DDX50: variants seen among roughly 807,000 people sequenced by gnomAD.
The protein encoded by DDX50 is ATP-dependent RNA helicase DDX50.
In DDX50, 56 loss-of-function variants were observed where a neutral mutation model predicts 94.8. That is an observed-to-expected ratio of 0.59 (90% confidence interval 0.48 to 0.74). DDX50 has a LOEUF of 0.74. DDX50 is among the 30% of genes least tolerant of loss of function. The probability of loss-of-function intolerance (pLI) is 0.00; values close to 1 mark genes in which losing one functional copy is unlikely to be tolerated. For missense variants in DDX50, 713 were observed against 881.2 expected (o/e 0.81, Z 2.42); for synonymous variants, 264 against 295.4 (o/e 0.89, Z 1.09).
chr10:68,942,954 A>G (rs1036541100), intron 13 of DDX50, among the ~76,000 whole-genome samples: 8 of 152,124 alleles, frequency 5.3e-5, no homozygotes, highest in African/African-American at 1.9e-4. Context: ...ACTTTCTATC[A>G]TTAAATTTTA....
At chr10:68,907,877 TATA>T (rs1297796391) in intron 2 of DDX50, among the ~76,000 whole-genome samples, 7 of 152,280 alleles carry the variant, frequency 4.6e-5, no homozygotes, top group Non-Finnish European at 7.3e-5. Flanking sequence ...AAATCTGTAT[TATA>T]ATAGGTTTAA....
At chr10:68,910,523 C>A in intron 3 of DDX50, 141 bp downstream of exon 3, 2 of 599,514 alleles carry the variant, frequency 3.3e-6, no homozygotes, top group Non-Finnish European at 5.6e-6. Flanking sequence ...CTACCTCAGC[C>A]TGCTGAGTAG....
chr10:68,933,964 T>A (rs1490946628), intron 8 of DDX50, among the ~76,000 whole-genome samples: 2 of 151,634 alleles, frequency 1.3e-5, no homozygotes, highest in Non-Finnish European at 2.9e-5. Context: ...ACAGAATATT[T>A]ACCAAACTCT....
intron 8 of DDX50, among the ~76,000 whole-genome samples, chr10:68,933,875 C>CA (rs1217471089): frequency 6.6e-6 from 1 of 150,746 alleles, no homozygotes; most frequent in Non-Finnish European, 1.5e-5. Flanking sequence ...GTAGAGGTTG[C>CA]AGTGAGCCAA....
At chr10:68,903,886 G>A (rs1335290873) in intron 1 of DDX50, among the ~76,000 whole-genome samples, 1 of 151,424 alleles carries the variant, frequency 6.6e-6, no homozygotes, top group Non-Finnish European at 1.5e-5. Context: ...TGAGATACAG[G>A]AATTGCTTGA....
At chr10:68,928,842 AT>A (rs1842157924) in intron 8 of DDX50, among the ~76,000 whole-genome samples, 1 of 152,196 alleles carries the variant, frequency 6.6e-6, no homozygotes, top group Non-Finnish European at 1.5e-5. Flanking sequence ...TAAACCAGAA[AT>A]TTATGTATTA....
intron 8 of DDX50, among the ~76,000 whole-genome samples, chr10:68,925,401 C>T (rs60907674): frequency 0.06 from 9,096 of 152,038 alleles, 887 homozygotes; most frequent in African/African-American, 0.2. Context: ...TGAGCCACCG[C>T]GCCCAGCCTC....
intron 1 of DDX50, among the ~76,000 whole-genome samples, chr10:68,904,840 A>G (rs1841394010): frequency 6.6e-6 from 1 of 152,222 alleles, no homozygotes; most frequent in Admixed American, 6.5e-5. Flanking sequence ...AGATCATATG[A>G]TGTAATGTGT....
rs936564614 is a variant in DDX50 at position 68,931,509 on chromosome 10, C to T, written c.1240-2690C>T. On this transcript the variant is annotated intron_variant, in intron 8 of 14. Coordinates refer to ENST00000373585, the MANE Select transcript of DDX50 (RefSeq NM_024045.2). ...AGGCTGGAGTGCAGTGGCACAGTCT[C>T]GGGTCACTGCAACCTCTGCCTCCCG... is the stretch of plus-strand genomic sequence containing the variant. 6.0e-5 allele frequency among the ~76,000 whole-genome samples: 9 copies of T among 149,596 alleles called. No individual in the cohort carries two copies. The East Asian group carries it at 7.9e-4, about 13-fold the overall frequency.
intron 12 of DDX50, among the ~76,000 whole-genome samples, chr10:68,940,797 G>A (rs1468388186): frequency 6.6e-6 from 1 of 151,978 alleles, no homozygotes; most frequent in African/African-American, 2.4e-5. Flanking sequence ...TCTTGGCTCT[G>A]GTTTGCTTAA....
chr10:68,919,847 T>C lies in DDX50; in HGVS notation c.1105T>C (p.Cys369Arg), dbSNP rs770880483. Residue 369 changes from cysteine to arginine, a missense_variant, in exon 8 of 15, where the codon TGT becomes CGT. This residue lies in a region of DDX50 where 428 missense variants were observed against 602.3 expected (regional missense o/e 0.71). Coordinates refer to ENST00000373585, the MANE Select transcript of DDX50 (RefSeq NM_024045.2). ...ATTVEHLAIQ[C>R]HWSQRPAVIG... Reference sequence around the variant, plus strand: ...TTCTTCAAAGCATTTGGCCATCCAGTGTCATTGGTCTCAGAGGCCAGCAGT... The same window carrying C: ...TTCTTCAAAGCATTTGGCCATCCAGCGTCATTGGTCTCAGAGGCCAGCAGT... 1 of 1,613,508 alleles carries C rather than the reference T, an allele frequency of 6.2e-7. No individual in the cohort carries two copies. The highest frequency in any genetic ancestry group is 8.5e-7 in the Non-Finnish European group (1 of 1,179,858).
At chr10:68,921,052 C>T (rs1361056061) in intron 8 of DDX50, among the ~76,000 whole-genome samples, 3 of 151,218 alleles carry the variant, frequency 2.0e-5, no homozygotes, top group Non-Finnish European at 4.4e-5. Context: ...TGTATTCATC[C>T]ACCAGCTTCA....
chr10:68,946,694 A>T lies in DDX50; in HGVS notation c.*64A>T. ...TTCTGCCTAATCATGTACATTATCC[A>T]CCAAAAATTAGGTCATCATAGTTGA... On this transcript the variant is annotated 3_prime_UTR_variant, in exon 15 of 15. Coordinates refer to ENST00000373585, the MANE Select transcript of DDX50 (RefSeq NM_024045.2). 1 of 1,544,798 alleles carries T rather than the reference A, an allele frequency of 6.5e-7. No individual in the cohort carries two copies. The highest frequency in any genetic ancestry group is 8.7e-7 in the Non-Finnish European group (1 of 1,144,586).
At chr10:68,915,587 G>A (rs757994961) in intron 7 of DDX50, among the ~76,000 whole-genome samples, 5 of 151,662 alleles carry the variant, frequency 3.3e-5, no homozygotes, top group Admixed American at 6.6e-5. Flanking sequence ...GTGGTGACCC[G>A]CACCTGTAAT....
intron 7 of DDX50, among the ~76,000 whole-genome samples, chr10:68,915,467 G>A (rs1841759658): frequency 6.7e-6 from 1 of 148,702 alleles, no homozygotes; most frequent in South Asian, 2.1e-4. Flanking sequence ...CCTGTATTCT[G>A]AACACTTTGG....
At position 68,913,220 on chromosome 10, in the gene DDX50, A is replaced by C; in HGVS notation, c.698A>C (p.Asp233Ala). The change falls in exon 5 of 15, where the codon GAT becomes GCT. Residue 233 changes from aspartate to alanine, a missense_variant. Asp to Ala is a moderately radical substitution (Grantham distance 126). This residue lies in a region of DDX50 where 285 missense variants were observed against 278.9 expected (regional missense o/e 1.02). Coordinates refer to ENST00000373585, the MANE Select transcript of DDX50 (RefSeq NM_024045.2). ...AACCAAGTAGCCAAAGACTTCAAAG[A>C]TATAACTAGGAAACTCAGCGTGGCG... ...LANQVAKDFK[D>A]ITRKLSVACF... The C allele has an allele frequency of 6.2e-7, 1 of 1,613,638 alleles. No individual in the cohort carries two copies. The highest frequency in any genetic ancestry group is 8.5e-7 in the Non-Finnish European group (1 of 1,179,936).
chr10:68,917,521 A>G (rs897018850), intron 7 of DDX50, among the ~76,000 whole-genome samples: 1 of 152,182 alleles, frequency 6.6e-6, no homozygotes, highest in Non-Finnish European at 1.5e-5. Flanking sequence ...GCTGATTTGC[A>G]TCCCTGTGGT....
chr10:68,929,766 G>A (rs148840389), intron 8 of DDX50, among the ~76,000 whole-genome samples: 1 of 133,178 alleles, frequency 7.5e-6, no homozygotes, highest in Non-Finnish European at 1.6e-5. Flanking sequence ...TCACTGTGTC[G>A]CCCAGACTGG....
In DDX50 at chr10:68,934,468, C is replaced by T; in HGVS notation, c.1401+108C>T. 6.8e-7 allele frequency: 1 copy of T among 1,463,076 alleles called. No homozygotes were observed. Among genetic ancestry groups the T allele is most frequent in the Non-Finnish European group, 9.3e-7 (1 of 1,079,964 alleles). The allele number at this position is 1,463,076 out of a possible 1,614,324, so 90.6% of individuals were successfully genotyped here. A position where few individuals can be genotyped will look rare whatever the true frequency, so the allele number is the denominator to read the frequency against. ...GAAAAATATGTCATCTCTTCTTGCTCTTAGCCATTTTTTGTTAGTGTGCTA... is the reference window on the plus strand; with the variant it reads ...GAAAAATATGTCATCTCTTCTTGCTTTTAGCCATTTTTTGTTAGTGTGCTA... On this transcript the variant is annotated intron_variant, in intron 9 of 14. Transcript: ENST00000373585. This position sits in a 1 kb window ranked among gnomAD's most constrained non-coding sequence, Gnocchi z 4.0.
Sources: allele counts gnomAD v4.1 joint callset (sites outside exome capture counted in the v4.1 genomes callset), GRCh38; gene constraint gnomAD v4.1.1; regional missense constraint gnomAD v4.1.1; non-coding constraint Gnocchi (gnomAD v3.1); transcripts MANE v1.5; gene names NCBI Gene and HGNC (gene_info 2026-07-23, HGNC 2026-07-21).